UBAC2: variants seen among roughly 807,000 people sequenced by gnomAD.
UBAC2 encodes ubiquitin-associated domain-containing protein 2.
A neutral mutation model predicts 44.0 loss-of-function variants in UBAC2; 26 were observed. That is an observed-to-expected ratio of 0.59 (90% confidence interval 0.43 to 0.82). The LOEUF is 0.82. Among genes scored for constraint, UBAC2 ranks in the 40% least tolerant of loss-of-function variants. The pLI is 0.00. For synonymous variants in UBAC2, 155 were observed against 154.3 expected (o/e 1.00, Z -0.04); for missense variants, 329 against 419.4 (o/e 0.78, Z 1.88).
chr13:99,265,794 C>A (rs868203102), intron 4 of UBAC2, among the ~76,000 whole-genome samples: 18 of 152,166 alleles, frequency 1.2e-4, no homozygotes, highest in South Asian at 4.1e-4. Context: ...TAGGTAGATA[C>A]AATTACAAAG....
chr13:99,207,542 G>A (rs1159493658), intron 1 of UBAC2, among the ~76,000 whole-genome samples: 5 of 152,042 alleles, frequency 3.3e-5, no homozygotes, highest in African/African-American at 4.8e-5. Flanking sequence ...CTTCGATGGC[G>A]GGGCCCTGTT....
chr13:99,239,961 G>A (rs2043281593), intron 2 of UBAC2, among the ~76,000 whole-genome samples: 1 of 152,184 alleles, frequency 6.6e-6, no homozygotes, highest in African/African-American at 2.4e-5. Context: ...GGTCCAAAAA[G>A]AAGGGATGAC....
chr13:99,369,575 A>G (rs2138900997), intron 8 of UBAC2, among the ~76,000 whole-genome samples: 1 of 152,330 alleles, frequency 6.6e-6, no homozygotes, highest in East Asian at 1.9e-4. Flanking sequence ...CAGTAGGTTA[A>G]GTGTACTAAA....
intron 2 of UBAC2, among the ~76,000 whole-genome samples, chr13:99,242,671 C>T (rs1456152057): frequency 4.7e-3 from 12 of 2,578 alleles, no homozygotes; most frequent in African/African-American, 6.1e-3. Context: ...GGCGGCTGGC[C>T]GGGCGGGGGG....
chr13:99,247,209 GT>G (rs67297884), intron 4 of UBAC2, among the ~76,000 whole-genome samples: 84,149 of 143,136 alleles, frequency 0.59, 25,771 homozygotes, highest in Non-Finnish European at 0.72. Flanking sequence ...TTTTTTTTTT[GT>G]TTTGTTTTGT....
intron 3 of UBAC2, 124 bp from the exon 4 acceptor site, chr13:99,244,389 ATG>A: frequency 1.7e-6 from 1 of 603,612 alleles, no homozygotes; most frequent in Non-Finnish European, 2.9e-6. Flanking sequence ...ACACATATGC[ATG>A]TGTGTATATA....
chr13:99,334,427 A>G (rs1380317339), intron 6 of UBAC2, among the ~76,000 whole-genome samples: 1 of 152,194 alleles, frequency 6.6e-6, no homozygotes, highest in Non-Finnish European at 1.5e-5. Context: ...ATTTCATTCA[A>G]CGTCTTTTCA....
intron 1 of UBAC2, among the ~76,000 whole-genome samples, chr13:99,237,250 A>G (rs1594031313): frequency 9.1e-6 from 1 of 109,484 alleles, no homozygotes; most frequent in Non-Finnish European, 1.9e-5. Context: ...AGAAAATTTT[A>G]TGCGTATATA....
intron 1 of UBAC2, among the ~76,000 whole-genome samples, chr13:99,237,173 C>T (rs7330165): frequency 0.71 from 108,011 of 151,604 alleles, 40,003 homozygotes; most frequent in Non-Finnish European, 0.82. Context: ...TTGTATACTT[C>T]CATCTTTATT....
At chr13:99,337,956 T>C (rs923983745) in intron 6 of UBAC2, among the ~76,000 whole-genome samples, 1 of 151,804 alleles carries the variant, frequency 6.6e-6, no homozygotes, top group African/African-American at 2.4e-5. Flanking sequence ...AAGAATTGTC[T>C]TGGGCCACAC....
At chr13:99,221,325 A>C (rs997712849) in intron 1 of UBAC2, among the ~76,000 whole-genome samples, 4 of 152,244 alleles carry the variant, frequency 2.6e-5, no homozygotes, top group African/African-American at 9.6e-5. Flanking sequence ...CTTTTGTTAC[A>C]CAGGGCACTA....
chr13:99,288,033 A>G (rs1038442024), intron 4 of UBAC2, among the ~76,000 whole-genome samples: 3 of 152,224 alleles, frequency 2.0e-5, no homozygotes, highest in African/African-American at 4.8e-5. Flanking sequence ...TTGATACTTC[A>G]TGCCAGGACT....
chr13:99,349,737 G>A (rs977704479), intron 7 of UBAC2, among the ~76,000 whole-genome samples: 1 of 152,140 alleles, frequency 6.6e-6, no homozygotes, highest in Non-Finnish European at 1.5e-5. Flanking sequence ...TATCTACTAC[G>A]AACTTCAAAG....
intron 4 of UBAC2, among the ~76,000 whole-genome samples, chr13:99,302,691 C>T (rs558730705): frequency 6.6e-6 from 1 of 152,154 alleles, no homozygotes; most frequent in Non-Finnish European, 1.5e-5. Flanking sequence ...GGGAAACATG[C>T]ATTCCTGGTG....
chr13:99,326,383 T>G (rs555281844), intron 6 of UBAC2, among the ~76,000 whole-genome samples: 2 of 152,210 alleles, frequency 1.3e-5, no homozygotes, highest in African/African-American at 4.8e-5. Context: ...TTTTTAAAAC[T>G]AGGTTATTAG....
At position 99,237,950 on chromosome 13, in the gene UBAC2, C is replaced by T. The variant is rs375817398; in HGVS notation, c.32-477C>T. Among the ~76,000 whole-genome samples the T allele has an allele frequency of 3.8e-3, 575 of 152,300 alleles. 6 individuals are homozygous for T. Among genetic ancestry groups the T allele is most frequent in the South Asian group, 0.011 (52 of 4,830 alleles). On this transcript the variant is annotated intron_variant, in intron 1 of 8. Transcript: ENST00000403766. Reference sequence around the variant, plus strand: ...AGTTTGGGCGACAAAGTGAGACTCTCTCTGGATATGATTATATGAATGTAT... The same window carrying T: ...AGTTTGGGCGACAAAGTGAGACTCTTTCTGGATATGATTATATGAATGTAT...
intron 6 of UBAC2, among the ~76,000 whole-genome samples, chr13:99,330,225 C>T (rs1398794927): frequency 6.6e-6 from 1 of 151,880 alleles, no homozygotes; most frequent in Non-Finnish European, 1.5e-5. Flanking sequence ...CTTTGGGAGG[C>T]CAAGGTGGGC....
At chr13:99,207,888 C>T (rs1442697348) in intron 1 of UBAC2, among the ~76,000 whole-genome samples, 1 of 151,916 alleles carries the variant, frequency 6.6e-6, no homozygotes, top group East Asian at 1.9e-4. Flanking sequence ...TTTTTGTGTT[C>T]TCATGAAGGA....
At chr13:99,351,756 G>T (rs968451583) in intron 7 of UBAC2, 4 of 456,576 alleles carry the variant, frequency 8.8e-6, no homozygotes, top group Admixed American at 2.3e-5. Context: ...CTGCTTGTTG[G>T]TACAAGCCAA....
Sources: gnomAD v4.1 joint callset for allele counts (sites outside exome capture counted in the v4.1 genomes callset) on GRCh38, gnomAD v4.1.1 for gene constraint, MANE v1.5 for transcripts, NCBI Gene and HGNC (gene_info 2026-07-23, HGNC 2026-07-21) for gene names.